VPS13B: variants seen among roughly 807,000 people sequenced by gnomAD.
VPS13B encodes vacuolar protein sorting 13 homolog B, also known as intermembrane lipid transfer protein VPS13B.
In VPS13B, 285 loss-of-function variants were observed where a neutral mutation model predicts 426.4. The observed-to-expected ratio is 0.67, with a 90% CI of 0.61 to 0.74. The LOEUF (loss-of-function observed/expected upper bound fraction) is 0.74, where lower values mean the gene tolerates loss of function less well. Among genes scored for constraint, VPS13B ranks in the 30% least tolerant of loss-of-function variants. The pLI is 0.00. For synonymous variants in VPS13B, 1,676 were observed against 1,676.4 expected, an observed-to-expected ratio of 1.00 and a Z score of 0.01; for missense variants, 4,537 against 4,782.6, an observed-to-expected ratio of 0.95 and a Z score of 1.51.
intron 42 of VPS13B, among the ~76,000 whole-genome samples, chr8:99,783,637 C>T (rs949022276): frequency 2.0e-5 from 3 of 152,182 alleles, no homozygotes; most frequent in African/African-American, 7.2e-5. Context: ...TTTTAGCTGA[C>T]TGATGACTTA....
At chr8:99,773,789 A>G (rs921382676) in intron 40 of VPS13B, among the ~76,000 whole-genome samples, 1 of 152,174 alleles carries the variant, frequency 6.6e-6, no homozygotes, top group Non-Finnish European at 1.5e-5. Flanking sequence ...TTGGCCATGA[A>G]TTTGACCTGT....
intron 17 of VPS13B, among the ~76,000 whole-genome samples, chr8:99,237,871 AT>A (rs11313632): frequency 0.73 from 108,348 of 147,746 alleles, 40,411 homozygotes; most frequent in South Asian, 0.86. Context: ...GGTTGGGGTT[AT>A]TTTTTTTTTT....
chr8:99,779,653 G>T (rs72676248), intron 42 of VPS13B, among the ~76,000 whole-genome samples: 1 of 152,080 alleles, frequency 6.6e-6, no homozygotes. Flanking sequence ...GGGATGAAGC[G>T]TAAGTCTATG....
chr8:99,818,434 TG>T lies in VPS13B; in HGVS notation c.8362-16del. On this transcript the variant is annotated splice_polypyrimidine_tract_variant and intron_variant, in intron 45 of 61. Coordinates refer to ENST00000357162, the MANE Select transcript of VPS13B (RefSeq NM_152564.5). ...CTGCTTAGTATTCAATAGGACCCTT[TG>T]CTATTTCATGTGCAGGTGCCATCTT... 6.2e-7 allele frequency: 1 copy of T among 1,612,784 alleles called. No individual in the cohort carries two copies.
intron 17 of VPS13B, among the ~76,000 whole-genome samples, chr8:99,261,820 G>A (rs148523953): frequency 6.6e-6 from 1 of 152,206 alleles, no homozygotes; most frequent in African/African-American, 2.4e-5. Context: ...GAGAGATTGT[G>A]ATTCATACAA....
chr8:99,403,200 G>T (rs960143433), intron 21 of VPS13B, among the ~76,000 whole-genome samples: 2 of 152,076 alleles, frequency 1.3e-5, no homozygotes, highest in African/African-American at 4.8e-5. Flanking sequence ...TTTCTTGACA[G>T]TTTTGTACAT....
intron 31 of VPS13B, among the ~76,000 whole-genome samples, chr8:99,557,020 G>A (rs965657): frequency 0.26 from 39,773 of 151,888 alleles, 5,935 homozygotes; most frequent in East Asian, 0.45. Flanking sequence ...AACAAGAAAA[G>A]TTAATGAATA....
At chr8:99,753,637 C>G (rs760051056) in intron 39 of VPS13B, among the ~76,000 whole-genome samples, 38 of 152,104 alleles carry the variant, frequency 2.5e-4, no homozygotes, top group Non-Finnish European at 3.5e-4. Context: ...AACCTGGTAG[C>G]TTGATAAATC....
rs1336139964 is a variant in VPS13B, at chr8:99,427,537, T to C, written c.3083-4000T>C. ...ATCCTGAATGCACTCCCATTCACAA[T>C]TGCTTCAAAGAGAATAAAATACCTG... On this transcript the variant is annotated intron_variant, in intron 21 of 61. Coordinates refer to ENST00000357162, the MANE Select transcript of VPS13B (RefSeq NM_152564.5). Among the ~76,000 whole-genome samples, 6 of 151,442 alleles carry C rather than the reference T, an allele frequency of 4.0e-5. No homozygotes were observed. In the Admixed American group the frequency reaches 4.0e-4, roughly 10 times the overall value.
intron 43 of VPS13B, among the ~76,000 whole-genome samples, chr8:99,802,006 C>T (rs140966248): frequency 9.9e-5 from 15 of 152,014 alleles, no homozygotes; most frequent in Non-Finnish European, 1.9e-4. Flanking sequence ...AAAAATTAGT[C>T]GGGCATTATG....
chr8:99,335,766 T>G (rs1222612331), intron 19 of VPS13B, among the ~76,000 whole-genome samples: 2 of 152,164 alleles, frequency 1.3e-5, no homozygotes, highest in Non-Finnish European at 2.9e-5. Context: ...CACTCACAAT[T>G]GCTTCAAAGA....
intron 19 of VPS13B, among the ~76,000 whole-genome samples, chr8:99,350,040 A>G (rs1811791578): frequency 1.3e-5 from 2 of 152,224 alleles, no homozygotes; most frequent in Non-Finnish European, 2.9e-5. Flanking sequence ...ATACAGTCAG[A>G]GGTTCTGTTG....
At chr8:99,054,770 T>C (rs1351878894) in intron 3 of VPS13B, among the ~76,000 whole-genome samples, 2 of 152,178 alleles carry the variant, frequency 1.3e-5, no homozygotes, top group African/African-American at 4.8e-5. Context: ...TGATATGTTG[T>C]ATATGGGTTC....
At chr8:99,872,167 C>T (rs1047430763) in intron 61 of VPS13B, among the ~76,000 whole-genome samples, 7 of 152,198 alleles carry the variant, frequency 4.6e-5, no homozygotes, top group African/African-American at 1.7e-4. Context: ...AGGCCTGCAA[C>T]TGGCTGCAGG....
chr8:99,330,641 T>C (rs559869378), intron 19 of VPS13B, among the ~76,000 whole-genome samples: 1 of 152,028 alleles, frequency 6.6e-6, no homozygotes, highest in East Asian at 1.9e-4. Context: ...AATTTTTTCT[T>C]CCTTCTAAGT....
At chr8:99,238,437 A>G (rs1816752150) in intron 17 of VPS13B, among the ~76,000 whole-genome samples, 1 of 152,320 alleles carries the variant, frequency 6.6e-6, no homozygotes, top group Admixed American at 6.5e-5. Flanking sequence ...CCATGGGGCA[A>G]GCTTAGGTGA....
At chr8:99,479,729 A>C (rs972557136) in intron 24 of VPS13B, among the ~76,000 whole-genome samples, 14 of 152,136 alleles carry the variant, frequency 9.2e-5, no homozygotes, top group Admixed American at 4.6e-4. Flanking sequence ...TGCATGCATC[A>C]ATAGTTTATT....
intron 58 of VPS13B, among the ~76,000 whole-genome samples, chr8:99,863,287 A>G (rs1403792905): frequency 1.3e-5 from 2 of 152,208 alleles, no homozygotes; most frequent in Admixed American, 6.5e-5. Context: ...GCAAAAAGAA[A>G]TATTTGAGCA....
At chr8:99,580,984 A>AAAAC (rs748431453) in intron 33 of VPS13B, among the ~76,000 whole-genome samples, 6 of 126,620 alleles carry the variant, frequency 4.7e-5, no homozygotes, top group African/African-American at 1.8e-4. Context: ...ATCTCTACAA[A>AAAAC]ACACACACAC....
Sources: gnomAD v4.1 joint callset for allele counts (sites outside exome capture counted in the v4.1 genomes callset) on GRCh38, gnomAD v4.1.1 for gene constraint, MANE v1.5 for transcripts, NCBI Gene and HGNC (gene_info 2026-07-23, HGNC 2026-07-21) for gene names.